Variants in LHPP observed in about 807,000 individuals in gnomAD.
LHPP encodes hLHPP.
Under a neutral mutation model 30.3 loss-of-function variants are expected in LHPP, and 24 were observed. That is an observed-to-expected ratio of 0.79 (90% confidence interval 0.57 to 1.11). The LOEUF (loss-of-function observed/expected upper bound fraction) is 1.11. Among genes scored for constraint, LHPP ranks in the 50% most tolerant of loss-of-function variants. The pLI is 0.00. For missense variants in LHPP, 356 were observed against 367.2 expected, an observed-to-expected ratio of 0.97 and a Z score of 0.25; for synonymous variants, 150 against 157.1, an observed-to-expected ratio of 0.95 and a Z score of 0.34.
intron 1 of LHPP, among the ~76,000 whole-genome samples, chr10:124,473,306 C>T (rs552717283): frequency 3.9e-5 from 6 of 152,306 alleles, no homozygotes; most frequent in South Asian, 4.1e-4. Flanking sequence ...CCCAGGCCCC[C>T]GGCAACAGGC....
At chr10:124,483,958 T>C (rs1232928796) in intron 1 of LHPP, among the ~76,000 whole-genome samples, 181 bp from the exon 2 acceptor site, 2 of 152,070 alleles carry the variant, frequency 1.3e-5, no homozygotes, top group African/African-American at 2.4e-5. Context: ...AGGGATCTGC[T>C]TCAGCTCAGA....
intron 6 of LHPP, among the ~76,000 whole-genome samples, chr10:124,519,170 A>G (rs1254535511): frequency 6.6e-6 from 1 of 151,668 alleles, no homozygotes; most frequent in African/African-American, 2.4e-5. Context: ...CTGGTCTCGA[A>G]CTCCTGACCT....
At chr10:124,540,407 C>T (rs1489314939) in intron 6 of LHPP, among the ~76,000 whole-genome samples, 6 of 152,326 alleles carry the variant, frequency 3.9e-5, no homozygotes, top group Admixed American at 2.0e-4. Flanking sequence ...AGGGGGGCTG[C>T]GCAGGATGGG....
intron 6 of LHPP, among the ~76,000 whole-genome samples, chr10:124,551,201 C>T (rs905016186): frequency 2.0e-5 from 3 of 152,148 alleles, no homozygotes; most frequent in Non-Finnish European, 2.9e-5. Context: ...TCAGAGACTG[C>T]GCAGAAGGAG....
chr10:124,511,443 G>C (rs562463318), intron 5 of LHPP, among the ~76,000 whole-genome samples: 9 of 152,226 alleles, frequency 5.9e-5, no homozygotes, highest in Non-Finnish European at 1.3e-4. Flanking sequence ...AAAGTATGAA[G>C]TAGAGAGCAC....
chr10:124,562,210 G>A (rs1948407247), intron 6 of LHPP, among the ~76,000 whole-genome samples: 1 of 152,148 alleles, frequency 6.6e-6, no homozygotes, highest in South Asian at 2.1e-4. Flanking sequence ...AGGAGGCTGA[G>A]GTGGGAGGAT....
intron 5 of LHPP, among the ~76,000 whole-genome samples, chr10:124,505,308 TG>T (rs1954032718): frequency 6.6e-6 from 1 of 152,240 alleles, no homozygotes; most frequent in South Asian, 2.1e-4. Context: ...TTATTTTTAA[TG>T]AAAAATGCCT....
intron 6 of LHPP, among the ~76,000 whole-genome samples, chr10:124,539,997 G>C (rs899791319): frequency 3.0e-4 from 46 of 152,172 alleles, no homozygotes; most frequent in Non-Finnish European, 5.0e-4. Flanking sequence ...GCACTTCCTG[G>C]CACACAGCAA....
Position 124,523,443 on chromosome 10 carries a change from A to G in LHPP, c.716+6172A>G, listed in dbSNP as rs767617684. ...CCCACGCCTGGCCTTTGACCTTGGAAGCGGCTGCCGTCAAAGCAGCAGCTT... is the reference window on the plus strand; with the variant it reads ...CCCACGCCTGGCCTTTGACCTTGGAGGCGGCTGCCGTCAAAGCAGCAGCTT... On this transcript the variant is annotated intron_variant, in intron 6 of 6. Coordinates refer to ENST00000368842, the MANE Select transcript of LHPP (RefSeq NM_022126.4). The surrounding 1 kb of genome is among the most constrained non-coding windows in gnomAD (Gnocchi z 4.2). 3.8e-4 allele frequency among the ~76,000 whole-genome samples: 58 copies of G among 152,206 alleles called. No homozygotes were observed. The highest frequency in any genetic ancestry group is 6.8e-4 in the Non-Finnish European group (46 of 68,032).
At chr10:124,483,508 C>A (rs1953207166) in intron 1 of LHPP, among the ~76,000 whole-genome samples, 2 of 152,100 alleles carry the variant, frequency 1.3e-5, no homozygotes, top group African/African-American at 4.8e-5. Flanking sequence ...CACGGTGGCT[C>A]ACACCTGTAA....
intron 6 of LHPP, among the ~76,000 whole-genome samples, chr10:124,580,868 G>C (rs988733825): frequency 3.3e-5 from 5 of 151,914 alleles, no homozygotes; most frequent in Non-Finnish European, 7.4e-5. Flanking sequence ...ACAGGCACCC[G>C]CCACCACACC....
intron 5 of LHPP, among the ~76,000 whole-genome samples, chr10:124,501,899 G>A (rs11245243): frequency 0.018 from 2,739 of 151,892 alleles, 95 homozygotes; most frequent in East Asian, 0.11. Flanking sequence ...CTTGTGTGTC[G>A]TTTTTATGTT....
chr10:124,523,340 C>T lies in LHPP; in HGVS notation c.716+6069C>T, dbSNP rs1217373744. On this transcript the variant is annotated intron_variant, in intron 6 of 6. Coordinates refer to ENST00000368842, the MANE Select transcript of LHPP (RefSeq NM_022126.4). The surrounding 1 kb of genome is among the most constrained non-coding windows in gnomAD (Gnocchi z 4.2). ...TGGCCAGCCGATCTAGGATTCCAGC[C>T]GCCTTGCACAAAGCTGGAAGACGAG... Among the ~76,000 whole-genome samples, 1 of 152,200 alleles carries T rather than the reference C, an allele frequency of 6.6e-6. No homozygotes were observed. Among genetic ancestry groups the T allele is most frequent in the Non-Finnish European group, 1.5e-5 (1 of 68,040 alleles).
intron 6 of LHPP, among the ~76,000 whole-genome samples, chr10:124,553,352 C>T (rs978111922): frequency 6.6e-6 from 1 of 152,184 alleles, no homozygotes; most frequent in African/African-American, 2.4e-5. Context: ...CCTGCCCACC[C>T]CCTGCACCTG....
At chr10:124,536,156 C>A (rs1397735041) in intron 6 of LHPP, among the ~76,000 whole-genome samples, 2 of 152,244 alleles carry the variant, frequency 1.3e-5, no homozygotes, top group Non-Finnish European at 2.9e-5. Flanking sequence ...ACCCCTGCCG[C>A]GTGTGCGTGC....
intron 3 of LHPP, among the ~76,000 whole-genome samples, chr10:124,495,388 G>A (rs1382063858): frequency 6.6e-6 from 1 of 152,218 alleles, no homozygotes; most frequent in Non-Finnish European, 1.5e-5. Context: ...GAGTGGCAGG[G>A]GGACCAGCCC....
At position 124,517,681 on chromosome 10, in the gene LHPP, C is replaced by T. The variant is rs1954494696; in HGVS notation, c.716+410C>T. ...GCCTCCCTCTCCTTTTGTTCACTTTCTCCACTCTGTAAGACACAGAGAGCC... is the reference window on the plus strand; with the variant it reads ...GCCTCCCTCTCCTTTTGTTCACTTTTTCCACTCTGTAAGACACAGAGAGCC... On this transcript the variant is annotated intron_variant, in intron 6 of 6. Transcript: ENST00000368842. This position sits in a 1 kb window ranked among gnomAD's most constrained non-coding sequence, Gnocchi z 4.1. Among the ~76,000 whole-genome samples, 1 of 152,210 alleles carries T rather than the reference C, an allele frequency of 6.6e-6. No individual in the cohort carries two copies. The highest frequency in any genetic ancestry group is 1.5e-5 in the Non-Finnish European group (1 of 68,036).
intron 6 of LHPP, among the ~76,000 whole-genome samples, chr10:124,521,752 C>A (rs1183840234): frequency 6.6e-6 from 1 of 152,172 alleles, no homozygotes; most frequent in Admixed American, 6.5e-5. Context: ...TCACTGGCAC[C>A]AGGAAGGGGG....
At position 124,523,840 on chromosome 10, in the gene LHPP, C is replaced by T. The variant is rs929605520; in HGVS notation, c.716+6569C>T. 1.3e-5 allele frequency among the ~76,000 whole-genome samples: 2 copies of T among 152,200 alleles called. No individual in the cohort carries two copies. The highest frequency in any genetic ancestry group is 2.1e-4 in the South Asian group (1 of 4,826). ...ATCCTGGCAGTGCAGGGAAGGGCACCGGGAACAGGCCTGTGGAAAAATCCA... is the reference window on the plus strand; with the variant it reads ...ATCCTGGCAGTGCAGGGAAGGGCACTGGGAACAGGCCTGTGGAAAAATCCA... On this transcript the variant is annotated intron_variant, in intron 6 of 6. Coordinates refer to ENST00000368842, the MANE Select transcript of LHPP (RefSeq NM_022126.4). This position sits in a 1 kb window ranked among gnomAD's most constrained non-coding sequence, Gnocchi z 4.2.
Sources: allele counts gnomAD v4.1 joint callset (sites outside exome capture counted in the v4.1 genomes callset), GRCh38; gene constraint gnomAD v4.1.1; non-coding constraint Gnocchi (gnomAD v3.1); transcripts MANE v1.5; gene names NCBI Gene and HGNC (gene_info 2026-07-23, HGNC 2026-07-21).